Variants in RAD51B observed in about 807,000 individuals in gnomAD.
RAD51B encodes the protein RAD51 paralog B.
A neutral mutation model predicts 42.2 loss-of-function variants in RAD51B; 38 were observed. The observed-to-expected ratio is 0.90, with a 90% CI of 0.70 to 1.18. The LOEUF (loss-of-function observed/expected upper bound fraction) is 1.18. Ranked by LOEUF, RAD51B falls within the 50% of genes most tolerant of loss-of-function variation. The probability of loss-of-function intolerance (pLI) is 0.00; values close to 1 mark genes in which losing one functional copy is unlikely to be tolerated. For synonymous variants in RAD51B, 154 were observed against 145.2 expected (o/e 1.06, Z -0.43); for missense variants, 373 against 400.7 (o/e 0.93, Z 0.59).
At chr14:68,065,963 A>C (rs1028805729) in intron 7 of RAD51B, among the ~76,000 whole-genome samples, 1 of 152,146 alleles carries the variant, frequency 6.6e-6, no homozygotes, top group Non-Finnish European at 1.5e-5. Flanking sequence ...ATTGTCTCAT[A>C]TATCTTCTTT....
intron 7 of RAD51B, among the ~76,000 whole-genome samples, chr14:68,112,772 A>G (rs1261731549): frequency 6.6e-6 from 1 of 152,152 alleles, no homozygotes; most frequent in African/African-American, 2.4e-5. Context: ...TACCTGCTAG[A>G]TGCTTTTTGA....
chr14:68,630,287 C>G (rs1355252305), intron 10 of RAD51B, among the ~76,000 whole-genome samples: 1 of 152,184 alleles, frequency 6.6e-6, no homozygotes, highest in Non-Finnish European at 1.5e-5. Context: ...GGAATTTCTT[C>G]AAGCAACACT....
chr14:68,343,099 A>G (rs1322435717), intron 8 of RAD51B, among the ~76,000 whole-genome samples: 1 of 132,300 alleles, frequency 7.6e-6, no homozygotes, highest in Non-Finnish European at 1.7e-5. Context: ...AAATAAAACT[A>G]ATTAAGATAT....
rs536420084 is a variant in RAD51B at position 68,102,253 on chromosome 14, A to G, written c.757-189631A>G. Among the ~76,000 whole-genome samples, 12 of 152,250 alleles carry G rather than the reference A, an allele frequency of 7.9e-5. No homozygotes were observed. In the East Asian group the frequency reaches 2.3e-3, roughly 29 times the overall value. ...GACATGCCCTGGAGACATTTTCTCC[A>G]TTGTCTTGGCAAGTAACATTTGACT... On this transcript the variant is annotated intron_variant, in intron 7 of 10. Coordinates refer to ENST00000471583, the MANE Select transcript of RAD51B (RefSeq NM_133510.4).
chr14:68,607,422 A>G (rs1177922325), intron 10 of RAD51B, among the ~76,000 whole-genome samples: 2 of 152,138 alleles, frequency 1.3e-5, no homozygotes, highest in African/African-American at 2.4e-5. Context: ...TCACAAGGCC[A>G]CAGAGACCCT....
chr14:67,971,115 G>A (rs1346067944), intron 7 of RAD51B, among the ~76,000 whole-genome samples: 1 of 152,086 alleles, frequency 6.6e-6, no homozygotes, highest in Non-Finnish European at 1.5e-5. Context: ...GAAATGAACT[G>A]TTCATGTTTA....
chr14:68,426,627 A>G (rs117923634), intron 9 of RAD51B, among the ~76,000 whole-genome samples: 3,409 of 152,278 alleles, frequency 0.022, 57 homozygotes, highest in Non-Finnish European at 0.034. Context: ...AGAGAGAAAT[A>G]ATTTAAAGAT....
At chr14:68,070,502 C>T (rs1595356584) in intron 7 of RAD51B, among the ~76,000 whole-genome samples, 1 of 152,148 alleles carries the variant, frequency 6.6e-6, no homozygotes, top group Admixed American at 6.5e-5. Flanking sequence ...ATATGGCTAG[C>T]CAGTTATCCC....
chr14:68,092,118 G>T (rs1351361657), intron 7 of RAD51B, among the ~76,000 whole-genome samples: 1 of 152,218 alleles, frequency 6.6e-6, no homozygotes, highest in African/African-American at 2.4e-5. Context: ...AGTATAGTTT[G>T]AAGTCAGGTA....
intron 11 of RAD51B, among the ~76,000 whole-genome samples, chr14:68,675,440 G>A (rs1893284121): frequency 1.3e-5 from 2 of 152,140 alleles, no homozygotes. Context: ...TAGGCATCTA[G>A]GATATGCCTG....
chr14:67,859,847 T>A (rs2042108465), intron 4 of RAD51B, among the ~76,000 whole-genome samples: 1 of 151,562 alleles, frequency 6.6e-6, no homozygotes, highest in Admixed American at 6.6e-5. Context: ...TTGAGCGAAG[T>A]TTTGCTCTTG....
intron 11 of RAD51B, among the ~76,000 whole-genome samples, chr14:68,653,211 G>C (rs955592939): frequency 6.6e-6 from 1 of 152,120 alleles, no homozygotes; most frequent in Non-Finnish European, 1.5e-5. Context: ...TTGAAAGCTG[G>C]GTGCCTCGGT....
rs188096013 is a variant in RAD51B at position 68,131,720 on chromosome 14, C to T, written c.757-160164C>T. Among the ~76,000 whole-genome samples the T allele has an allele frequency of 1.6e-4, 25 of 151,918 alleles. No individual in the cohort carries two copies. The East Asian group carries it at 2.3e-3, about 14-fold the overall frequency. ...CAAAAAAATAAAAAAATAAAAAGAT[C>T]GACATATTCTTCCTATCGCTCTCTG... On this transcript the variant is annotated intron_variant, in intron 7 of 10. Coordinates refer to ENST00000471583, the MANE Select transcript of RAD51B (RefSeq NM_133510.4).
At chr14:68,490,768 A>T (rs76089288) in intron 10 of RAD51B, among the ~76,000 whole-genome samples, 20,023 of 152,138 alleles carry the variant, frequency 0.13, 1,575 homozygotes, top group Middle Eastern at 0.23. Context: ...TTGAGAGGGG[A>T]AGGGTGGAGA....
intron 10 of RAD51B, among the ~76,000 whole-genome samples, chr14:68,517,663 A>G (rs1026230454): frequency 6.6e-6 from 1 of 152,166 alleles, no homozygotes; most frequent in Non-Finnish European, 1.5e-5. Context: ...ACATGCTAAG[A>G]CGTATATGTA....
chr14:68,682,809 C>A, intron 11 of RAD51B: 1 of 374,504 alleles, frequency 2.7e-6, no homozygotes, highest in Non-Finnish European at 3.6e-6. Context: ...GGGGAGAGGG[C>A]GGGGAGTTTG....
chr14:68,252,521 C>G (rs1489188128), intron 7 of RAD51B, among the ~76,000 whole-genome samples: 1 of 152,196 alleles, frequency 6.6e-6, no homozygotes, highest in Non-Finnish European at 1.5e-5. Flanking sequence ...ACACACATGT[C>G]TTTTGCCAAA....
At chr14:67,860,756 G>A (rs552752124) in intron 4 of RAD51B, among the ~76,000 whole-genome samples, 2 of 152,288 alleles carry the variant, frequency 1.3e-5, no homozygotes, top group Admixed American at 6.5e-5. Flanking sequence ...AGTCTAAGTG[G>A]TGGGTATATG....
intron 7 of RAD51B, among the ~76,000 whole-genome samples, chr14:68,100,629 C>A (rs570109970): frequency 7.9e-5 from 12 of 152,130 alleles, no homozygotes; most frequent in Admixed American, 7.2e-4. Flanking sequence ...TTGTGCTTTA[C>A]TCTTTTTTTC....
Sources: allele counts gnomAD v4.1 joint callset (sites outside exome capture counted in the v4.1 genomes callset), GRCh38; gene constraint gnomAD v4.1.1; transcripts MANE v1.5; gene names NCBI Gene and HGNC (gene_info 2026-07-23, HGNC 2026-07-21).